The following GMDS variants were observed in gnomAD, a reference collection of about 807,000 sequenced individuals.
The protein encoded by GMDS is GDP-mannose 4,6 dehydratase.
GMDS carries 20 observed loss-of-function variants against 49.9 expected under a neutral mutation model. The observed-to-expected ratio is 0.40, with a 90% CI of 0.28 to 0.58. GMDS has a LOEUF of 0.58. Ranked by LOEUF, GMDS falls within the 20% of genes least tolerant of loss-of-function variation. GMDS has a pLI of 0.42. For synonymous variants in GMDS, 177 were observed against 178.6 expected, an observed-to-expected ratio of 0.99 and a Z score of 0.07; for missense variants, 362 against 481.4, an observed-to-expected ratio of 0.75 and a Z score of 2.32.
At chr6:1,649,486 T>A (rs985878293) in intron 9 of GMDS, among the ~76,000 whole-genome samples, 9 of 152,236 alleles carry the variant, frequency 5.9e-5, no homozygotes, top group African/African-American at 2.2e-4. Flanking sequence ...AGGACACATT[T>A]AATAATACAC....
chr6:2,156,937 A>G (rs1777141337), intron 1 of GMDS, among the ~76,000 whole-genome samples: 1 of 152,242 alleles, frequency 6.6e-6, no homozygotes, highest in Non-Finnish European at 1.5e-5. Context: ...TTCATTGAAC[A>G]TAAAACTATC....
intron 9 of GMDS, 190 bp from the exon 10 acceptor site, chr6:1,624,730 A>G (rs1004376411): frequency 9.2e-5 from 54 of 587,236 alleles, no homozygotes; most frequent in Non-Finnish European, 2.8e-5. Flanking sequence ...GTCGCGGTTA[A>G]GAATGTGCTG....
intron 1 of GMDS, among the ~76,000 whole-genome samples, chr6:2,157,079 C>A (rs115362192): frequency 1.3e-5 from 2 of 152,172 alleles, no homozygotes; most frequent in African/African-American, 4.8e-5. Context: ...GACTGACAGA[C>A]TCACTAAAAA....
chr6:1,886,454 CA>C (rs1364639954), intron 7 of GMDS, among the ~76,000 whole-genome samples: 1 of 152,124 alleles, frequency 6.6e-6, no homozygotes, highest in African/African-American at 2.4e-5. Flanking sequence ...ATTTCATTTA[CA>C]GGGGCCTATA....
chr6:1,959,701 A>T (rs1763832668), intron 6 of GMDS, 166 bp downstream of exon 6: 1 of 406,202 alleles, frequency 2.5e-6, no homozygotes, highest in African/African-American at 2.1e-5. Context: ...AATTACAAAA[A>T]ACTAAGGCTG....
At chr6:2,063,076 C>A (rs1194320450) in intron 4 of GMDS, among the ~76,000 whole-genome samples, 1 of 152,216 alleles carries the variant, frequency 6.6e-6, no homozygotes, top group Non-Finnish European at 1.5e-5. Context: ...GGCACACAAG[C>A]CCAGGACAAG....
At chr6:2,130,742 G>C (rs1562083165) in intron 1 of GMDS, among the ~76,000 whole-genome samples, 1 of 151,848 alleles carries the variant, frequency 6.6e-6, no homozygotes. Context: ...TTATGTCCAT[G>C]ATTAGTTTGA....
intron 4 of GMDS, among the ~76,000 whole-genome samples, chr6:2,012,145 G>A (rs2325760): frequency 0.47 from 71,119 of 151,798 alleles, 16,995 homozygotes; most frequent in African/African-American, 0.56. Flanking sequence ...GAGAAATTAC[G>A]TGGTGGGTAT....
chr6:1,634,303 A>G (rs1763079352), intron 9 of GMDS, among the ~76,000 whole-genome samples: 1 of 152,160 alleles, frequency 6.6e-6, no homozygotes, highest in Admixed American at 6.5e-5. Flanking sequence ...TGGCCAAATG[A>G]GGACACGCTC....
At chr6:1,971,694 C>G (rs1764623212) in intron 4 of GMDS, among the ~76,000 whole-genome samples, 1 of 152,224 alleles carries the variant, frequency 6.6e-6, no homozygotes. Flanking sequence ...TGTCCGTCCA[C>G]TCTCCACACT....
chr6:1,787,640 C>A (rs1769375333), intron 7 of GMDS, among the ~76,000 whole-genome samples: 2 of 152,182 alleles, frequency 1.3e-5, no homozygotes, highest in East Asian at 3.8e-4. Context: ...CGAACAAGTC[C>A]TGGATACTTG....
intron 1 of GMDS, among the ~76,000 whole-genome samples, chr6:2,211,993 T>C (rs1780082757): frequency 6.6e-6 from 1 of 152,194 alleles, no homozygotes; most frequent in African/African-American, 2.4e-5. Flanking sequence ...ATTTAACCCA[T>C]CTCTTTTTAA....
At chr6:1,673,142 A>G (rs999726816) in intron 9 of GMDS, among the ~76,000 whole-genome samples, 23 of 152,208 alleles carry the variant, frequency 1.5e-4, no homozygotes, top group Non-Finnish European at 2.2e-4. Context: ...CCAGTTTCAG[A>G]CAGTCACCAA....
chr6:2,005,095 C>A (rs1037743093), intron 4 of GMDS, among the ~76,000 whole-genome samples: 1 of 152,116 alleles, frequency 6.6e-6, no homozygotes, highest in African/African-American at 2.4e-5. Flanking sequence ...GTAGTTCAAA[C>A]ATTCTTGCTA....
intron 4 of GMDS, among the ~76,000 whole-genome samples, chr6:2,063,259 T>C (rs1001539439): frequency 1.3e-5 from 2 of 152,268 alleles, no homozygotes; most frequent in African/African-American, 4.8e-5. Flanking sequence ...TCACTTCCTG[T>C]TGTAATAGTA....
intron 9 of GMDS, among the ~76,000 whole-genome samples, chr6:1,724,656 T>C (rs1440919390): frequency 1.3e-5 from 2 of 152,258 alleles, no homozygotes; most frequent in Admixed American, 1.3e-4. Flanking sequence ...AAATATGTGA[T>C]CTGTGCAATG....
intron 7 of GMDS, among the ~76,000 whole-genome samples, chr6:1,759,374 C>T (rs1037243666): frequency 7.9e-5 from 12 of 152,318 alleles, no homozygotes; most frequent in African/African-American, 2.2e-4. Flanking sequence ...AAGTCATACA[C>T]CTGCTAAGTG....
At chr6:2,067,218 A>T (rs1237234100) in intron 4 of GMDS, among the ~76,000 whole-genome samples, 3 of 152,172 alleles carry the variant, frequency 2.0e-5, no homozygotes, top group African/African-American at 4.8e-5. Context: ...GAAACCAATG[A>T]GAACAAAGAC....
chr6:1,937,374 A>C (rs1200040123), intron 6 of GMDS, among the ~76,000 whole-genome samples: 7 of 152,208 alleles, frequency 4.6e-5, no homozygotes, highest in Non-Finnish European at 8.8e-5. Flanking sequence ...TTAAATTTTA[A>C]TTTGCTGTTT....
Sources: gnomAD v4.1 joint callset for allele counts (sites outside exome capture counted in the v4.1 genomes callset) on GRCh38, gnomAD v4.1.1 for gene constraint, MANE v1.5 for transcripts, NCBI Gene and HGNC (gene_info 2026-07-23, HGNC 2026-07-21) for gene names.